The following C19orf12 variants were observed in gnomAD, a reference collection of about 807,000 sequenced individuals.
C19orf12 encodes chromosome 19 open reading frame 12.
C19orf12 carries 2 observed loss-of-function variants against 3.8 expected under a neutral mutation model. The observed-to-expected ratio is 0.53, with a 90% CI of 0.22 to 1.66. C19orf12 has a LOEUF of 1.66. C19orf12 is among the 40% of genes most tolerant of loss of function. The probability of loss-of-function intolerance (pLI) is 0.20; values close to 1 mark genes in which losing one functional copy is unlikely to be tolerated. For synonymous variants in C19orf12, 89 were observed against 84.6 expected, an observed-to-expected ratio of 1.05 and a Z score of -0.28; for missense variants, 156 against 188.8, an observed-to-expected ratio of 0.83 and a Z score of 1.02.
intron 2 of C19orf12, among the ~76,000 whole-genome samples, chr19:29,703,347 C>CTGAGAAACA (rs1255734627): frequency 6.6e-6 from 1 of 151,328 alleles, no homozygotes; most frequent in African/African-American, 2.4e-5. Flanking sequence ...AAGGAGAAGG[C>CTGAGAAACA]TGAGAAACAA....
intron 1 of C19orf12, among the ~76,000 whole-genome samples, chr19:29,709,914 C>T (rs1381322554): frequency 6.6e-6 from 1 of 152,020 alleles, no homozygotes; most frequent in Non-Finnish European, 1.5e-5. Context: ...TCTTGTTGCC[C>T]AAGCTGGTGT....
chr19:29,701,479 T>A lies in C19orf12; in HGVS notation c.*1233A>T, dbSNP rs1354128759. On this transcript the variant is annotated 3_prime_UTR_variant, in exon 3 of 3. Transcript: ENST00000323670. ...AGGGAATAATGGCAAGAAAAAAAGG[T>A]CTGTACGTGTTCAGTACCAATGCAA... The A allele has an allele frequency of 2.2e-6, 1 of 454,148 alleles. No homozygotes were observed. Among genetic ancestry groups the A allele is most frequent in the Admixed American group, 2.3e-5 (1 of 42,568 alleles). 28.1% of individuals were successfully genotyped at this position (454,148 alleles called of 1,614,324 possible).
rs986908017 is a variant in C19orf12, at chr19:29,715,182, G to A, written c.-68C>T. ...GCGATCAGACGCGGCTGCAGCCCGG[G>A]CCTGGCAGGCCCCGGGCTCCCCGCC... is the stretch of plus-strand genomic sequence containing the variant. On this transcript the variant is annotated 5_prime_UTR_variant, in exon 1 of 3. Transcript: ENST00000323670. The A allele has an allele frequency of 3.5e-5, 18 of 517,996 alleles. No homozygotes were observed. Among genetic ancestry groups the A allele is most frequent in the African/African-American group, 2.7e-4 (13 of 48,000 alleles). 32.1% of individuals were successfully genotyped at this position (517,996 alleles called of 1,614,324 possible).
rs1189388703 is a variant in C19orf12, at chr19:29,699,727, A to C, written c.*2985T>G. ...AAGGAATACACATGAAATTGGTAAC[A>C]GTGGCTGCCTCTGGGGTCGGCATAG... On this transcript the variant is annotated 3_prime_UTR_variant, in exon 3 of 3. Coordinates refer to ENST00000323670, the MANE Select transcript of C19orf12 (RefSeq NM_031448.6). 2.2e-6 allele frequency: 1 copy of C among 454,140 alleles called. No homozygotes were observed. Among genetic ancestry groups the C allele is most frequent in the Non-Finnish European group, 4.4e-6 (1 of 226,802 alleles). 28.1% of individuals were successfully genotyped at this position (454,140 alleles called of 1,614,324 possible).
chr19:29,700,108 A>G lies in C19orf12; in HGVS notation c.*2604T>C. 2.2e-6 allele frequency: 1 copy of G among 453,924 alleles called. No homozygotes were observed. The highest frequency in any genetic ancestry group is 4.4e-6 in the Non-Finnish European group (1 of 226,744). The allele number at this position is 453,924 out of a possible 1,614,324, so 28.1% of individuals were successfully genotyped here. A position where few individuals can be genotyped will look rare whatever the true frequency, so the allele number is the denominator to read the frequency against. On this transcript the variant is annotated 3_prime_UTR_variant, in exon 3 of 3. Transcript: ENST00000323670. ...CTCCCTGGGCATTTTTCCCTGCAGTAGGGGTGGGCAGGCTGTGGGAGGGGC... is the reference window on the plus strand; with the variant it reads ...CTCCCTGGGCATTTTTCCCTGCAGTGGGGGTGGGCAGGCTGTGGGAGGGGC...
At chr19:29,710,821 G>T (rs1639928981) in intron 1 of C19orf12, among the ~76,000 whole-genome samples, 1 of 152,136 alleles carries the variant, frequency 6.6e-6, no homozygotes, top group Non-Finnish European at 1.5e-5. Flanking sequence ...CCCCAGAAGA[G>T]AACCCCCTTC....
rs1182722914 is a variant in C19orf12 at position 29,701,043 on chromosome 19, C to T, written c.*1669G>A. On this transcript the variant is annotated 3_prime_UTR_variant, in exon 3 of 3. Transcript: ENST00000323670. The stretch of plus-strand genomic sequence containing the variant: ...AAGTGCCGACATTACAAGCATGAGC[C>T]ACCTCACCTGACCTACTCTTGCATT... The T allele has an allele frequency of 2.2e-6, 1 of 454,026 alleles. No individual in the cohort carries two copies. Among genetic ancestry groups the T allele is most frequent in the Non-Finnish European group, 4.4e-6 (1 of 226,808 alleles). The allele number at this position is 454,026 out of a possible 1,614,324, so 28.1% of individuals were successfully genotyped here.
intron 1 of C19orf12, among the ~76,000 whole-genome samples, chr19:29,713,959 C>T (rs35711589): frequency 0.22 from 32,124 of 147,838 alleles, 3,582 homozygotes; most frequent in Middle Eastern, 0.28. Flanking sequence ...TCTTTCTTTC[C>T]TTCCTTCCTT....
intron 1 of C19orf12, among the ~76,000 whole-genome samples, chr19:29,710,254 G>A (rs1225027224): frequency 1.3e-5 from 2 of 152,080 alleles, no homozygotes; most frequent in Non-Finnish European, 2.9e-5. Context: ...ATATAATTTT[G>A]AGCCCAGAGA....
At chr19:29,703,000 A>G (rs1243911561) in intron 2 of C19orf12, 23 bp from the exon 3 acceptor site, 2 of 1,613,982 alleles carry the variant, frequency 1.2e-6, no homozygotes, top group Non-Finnish European at 1.7e-6. Context: ...GAATCGTTCA[A>G]TTAGTGGGTC....
At chr19:29,707,426 T>C (rs894783613) in intron 2 of C19orf12, among the ~76,000 whole-genome samples, 11 of 152,226 alleles carry the variant, frequency 7.2e-5, no homozygotes, top group African/African-American at 2.7e-4. Flanking sequence ...GCAGTTCTTT[T>C]GGTGGTCTCT....
Position 29,701,599 on chromosome 19 carries a change from G to C in C19orf12, c.*1113C>G, listed in dbSNP as rs756956467. ...CTGACTGTACTGGGGAAATCTTTAGGGTAGAAACATTTCTTAGAGATGGTT... is the reference window on the plus strand; with the variant it reads ...CTGACTGTACTGGGGAAATCTTTAGCGTAGAAACATTTCTTAGAGATGGTT... On this transcript the variant is annotated 3_prime_UTR_variant, in exon 3 of 3. Transcript: ENST00000323670. The C allele has an allele frequency of 2.2e-6, 1 of 453,812 alleles. No homozygotes were observed. The highest frequency in any genetic ancestry group is 2.0e-5 in the African/African-American group (1 of 49,908). 28.1% of individuals were successfully genotyped at this position (453,812 alleles called of 1,614,324 possible).
At chr19:29,708,218 C>T (rs779095155) in intron 2 of C19orf12, 36 bp downstream of exon 2, 18 of 1,605,398 alleles carry the variant, frequency 1.1e-5, no homozygotes, top group East Asian at 6.7e-5. Flanking sequence ...ATGACATCCC[C>T]GAGGCTGGCT....
Position 29,699,758 on chromosome 19 carries a change from G to A in C19orf12, c.*2954C>T, listed in dbSNP as rs778174433. The A allele has an allele frequency of 2.2e-6, 1 of 454,022 alleles. No homozygotes were observed. The highest frequency in any genetic ancestry group is 1.6e-5 in the South Asian group (1 of 64,426). The allele number at this position is 454,022 out of a possible 1,614,324, so 28.1% of individuals were successfully genotyped here. On this transcript the variant is annotated 3_prime_UTR_variant, in exon 3 of 3. Coordinates refer to ENST00000323670, the MANE Select transcript of C19orf12 (RefSeq NM_031448.6). ...TGCCTCTGGGGTCGGCATAGGAGCAGGCCTTCCCTTGCAGCTTGCGCCCTC... is the reference window on the plus strand; with the variant it reads ...TGCCTCTGGGGTCGGCATAGGAGCAAGCCTTCCCTTGCAGCTTGCGCCCTC...
At position 29,700,747 on chromosome 19, in the gene C19orf12, C is replaced by T. The variant is rs1172927404; in HGVS notation, c.*1965G>A. 3 of 454,022 alleles carry T rather than the reference C, an allele frequency of 6.6e-6. No individual in the cohort carries two copies. In the East Asian group the frequency reaches 2.1e-4, roughly 32 times the overall value. The allele number at this position is 454,022 out of a possible 1,614,324, so 28.1% of individuals were successfully genotyped here. On this transcript the variant is annotated 3_prime_UTR_variant, in exon 3 of 3. Coordinates refer to ENST00000323670, the MANE Select transcript of C19orf12 (RefSeq NM_031448.6). ...ATCGCTCTGCAAGAGAAAGGCTCGG[C>T]CCTTCCTTAATCACCATGGGTTATA...
At position 29,700,090 on chromosome 19, in the gene C19orf12, G is replaced by A. The variant is rs1971997181; in HGVS notation, c.*2622C>T. 2 of 453,930 alleles carry A rather than the reference G, an allele frequency of 4.4e-6. No individual in the cohort carries two copies. Among genetic ancestry groups the A allele is most frequent in the African/African-American group, 4.0e-5 (2 of 49,986 alleles). The allele number at this position is 453,930 out of a possible 1,614,324, so 28.1% of individuals were successfully genotyped here. A position where few individuals can be genotyped will look rare whatever the true frequency, so the allele number is the denominator to read the frequency against. The stretch of plus-strand genomic sequence containing the variant: ...CAGGAGTTGGACCATCTCCTCCCTG[G>A]GCATTTTTCCCTGCAGTAGGGGTGG... On this transcript the variant is annotated 3_prime_UTR_variant, in exon 3 of 3. Coordinates refer to ENST00000323670, the MANE Select transcript of C19orf12 (RefSeq NM_031448.6).
rs1184821346 is a variant in C19orf12 at position 29,702,846 on chromosome 19, G to T, written c.292C>A (p.His98Asn). The change falls in exon 3 of 3, where the codon CAC becomes AAC. Residue 98 changes from histidine to asparagine, a missense_variant. By Grantham distance (68) the His-to-Asn change is moderately conservative (BLOSUM62 1). Coordinates refer to ENST00000323670, the MANE Select transcript of C19orf12 (RefSeq NM_031448.6). ...LFNEAAAIIR[H>N]LEWTDAVQLT... ...TGCACGGCGTCCGTCCACTCCAGGTGCCTGATGATGGCTGCGGCTTCGTTA... is the reference window on the plus strand; with the variant it reads ...TGCACGGCGTCCGTCCACTCCAGGTTCCTGATGATGGCTGCGGCTTCGTTA... The T allele has an allele frequency of 1.2e-6, 2 of 1,614,068 alleles. No homozygotes were observed. Among genetic ancestry groups the T allele is most frequent in the Non-Finnish European group, 1.7e-6 (2 of 1,180,034 alleles).
At chr19:29,714,352 A>G (rs987133627) in intron 1 of C19orf12, among the ~76,000 whole-genome samples, 12 of 152,128 alleles carry the variant, frequency 7.9e-5, no homozygotes, top group African/African-American at 2.9e-4. Context: ...AAAATTAGCC[A>G]GGCTTGGTGG....
intron 2 of C19orf12, 149 bp from the exon 3 acceptor site, chr19:29,703,126 G>T (rs543827969): frequency 3.9e-6 from 4 of 1,022,388 alleles, no homozygotes; most frequent in Non-Finnish European, 6.0e-6. Context: ...CGCCTGCTCC[G>T]CCAGCCAGTG....
Sources: gnomAD v4.1 joint callset for allele counts (sites outside exome capture counted in the v4.1 genomes callset) on GRCh38, gnomAD v4.1.1 for gene constraint, MANE v1.5 for transcripts, NCBI Gene and HGNC (gene_info 2026-07-23, HGNC 2026-07-21) for gene names.